NALF1: variants seen among roughly 807,000 people sequenced by gnomAD.
NALF1 encodes family with sequence similarity 155 member A.
In NALF1, 3 loss-of-function variants were observed where a neutral mutation model predicts 48.4. The observed-to-expected ratio is 0.06, with a 90% CI of 0.03 to 0.16. The LOEUF is 0.16. Ranked by LOEUF, NALF1 falls within the 10% of genes least tolerant of loss-of-function variation. The probability of loss-of-function intolerance (pLI) is 1.00; values close to 1 mark genes in which losing one functional copy is unlikely to be tolerated. For missense variants in NALF1, 526 were observed against 571.5 expected (o/e 0.92, Z 0.81); for synonymous variants, 262 against 245.7 (o/e 1.07, Z -0.62).
At chr13:107,536,046 C>T (rs888151108) in intron 1 of NALF1, among the ~76,000 whole-genome samples, 1 of 152,118 alleles carries the variant, frequency 6.6e-6, no homozygotes, top group Non-Finnish European at 1.5e-5. Flanking sequence ...GAAACTGGAT[C>T]CCTACCTTAC....
At chr13:107,594,203 T>A (rs1594148427) in intron 1 of NALF1, among the ~76,000 whole-genome samples, 1 of 152,186 alleles carries the variant, frequency 6.6e-6, no homozygotes, top group Middle Eastern at 3.4e-3. Flanking sequence ...GTCTGCGTTG[T>A]CATCCGTAGC....
chr13:107,466,670 T>C (rs1268208803), intron 1 of NALF1: 1 of 152,224 alleles, frequency 6.6e-6, no homozygotes, highest in African/African-American at 2.4e-5. Flanking sequence ...AGTTGTTTCA[T>C]CCATTCAACT....
intron 1 of NALF1, among the ~76,000 whole-genome samples, chr13:107,537,478 A>G (rs1876862288): frequency 1.3e-5 from 2 of 152,160 alleles, no homozygotes. Context: ...ATAGTAACAA[A>G]GTAATTTGTT....
chr13:107,181,400 C>A (rs1879057257), intron 2 of NALF1, among the ~76,000 whole-genome samples: 1 of 151,384 alleles, frequency 6.6e-6, no homozygotes, highest in Non-Finnish European at 1.5e-5. Flanking sequence ...ATAGCTTTAG[C>A]CAATTCTCTT....
chr13:107,858,284 G>A (rs1594317897), intron 1 of NALF1, among the ~76,000 whole-genome samples: 1 of 152,180 alleles, frequency 6.6e-6, no homozygotes, highest in Non-Finnish European at 1.5e-5. Context: ...GTATAAGACA[G>A]TTACATGTGG....
At chr13:107,439,944 C>T (rs1884529077) in intron 1 of NALF1, among the ~76,000 whole-genome samples, 1 of 151,900 alleles carries the variant, frequency 6.6e-6, no homozygotes, top group African/African-American at 2.4e-5. Context: ...GGTCATTGAC[C>T]ATTTAAGAGA....
chr13:107,829,826 A>G (rs1455711623), intron 1 of NALF1, among the ~76,000 whole-genome samples: 3 of 152,156 alleles, frequency 2.0e-5, no homozygotes, highest in Non-Finnish European at 4.4e-5. Context: ...TTGTATTGTA[A>G]TAGGAGGGTA....
chr13:107,305,511 C>T (rs554771237), intron 1 of NALF1, among the ~76,000 whole-genome samples: 4 of 152,160 alleles, frequency 2.6e-5, no homozygotes, highest in Non-Finnish European at 5.9e-5. Context: ...TTATCTTCTG[C>T]TTATGCTTTA....
rs1183009839 is a variant in NALF1, at chr13:107,867,252, C to T, written c.-656G>A. On this transcript the variant is annotated 5_prime_UTR_variant, in exon 1 of 3. Coordinates refer to ENST00000375915, the MANE Select transcript of NALF1 (RefSeq NM_001080396.3). This position sits in a 1 kb window ranked among gnomAD's most constrained non-coding sequence, Gnocchi z 4.4. ...CTCCCAGAGTCCGGAGCCTGGGCTG[C>T]CTCCGGCGGGGCGCTCCCTCCCCCC... is the stretch of plus-strand genomic sequence containing the variant. 1.3e-5 allele frequency among the ~76,000 whole-genome samples: 2 copies of T among 150,426 alleles called. No individual in the cohort carries two copies. Among genetic ancestry groups the T allele is most frequent in the East Asian group, 2.0e-4 (1 of 5,058 alleles).
At chr13:107,434,878 G>A (rs935718872) in intron 1 of NALF1, among the ~76,000 whole-genome samples, 1 of 152,138 alleles carries the variant, frequency 6.6e-6, no homozygotes, top group Non-Finnish European at 1.5e-5. Context: ...ATCTTCACAT[G>A]AGAGTGGGAT....
At chr13:107,818,273 T>C (rs888916139) in intron 1 of NALF1, among the ~76,000 whole-genome samples, 1 of 152,170 alleles carries the variant, frequency 6.6e-6, no homozygotes, top group Non-Finnish European at 1.5e-5. Context: ...CTGCTCTTCC[T>C]TTTTAAGGGA....
intron 1 of NALF1, among the ~76,000 whole-genome samples, chr13:107,289,133 C>T (rs914327592): frequency 2.6e-4 from 39 of 152,230 alleles, no homozygotes; most frequent in Non-Finnish European, 4.4e-4. Flanking sequence ...ATTTCCTTTG[C>T]TTTAGAGAGT....
At chr13:107,828,600 TATCTATAC>T (rs750019751) in intron 1 of NALF1, among the ~76,000 whole-genome samples, 4,419 of 103,366 alleles carry the variant, frequency 0.043, 92 homozygotes, top group Non-Finnish European at 0.06. Context: ...TCTATATCTA[TATCTATAC>T]ACACACACAC....
At chr13:107,236,718 TATCTATCTATCTATCTATC>T (rs1880355245) in intron 1 of NALF1, among the ~76,000 whole-genome samples, 2 of 149,592 alleles carry the variant, frequency 1.3e-5, no homozygotes, top group African/African-American at 5.0e-5. Context: ...TCTATCTATC[TATCTATCTATCTATCTATC>T]ATCTACAGTC....
At chr13:107,440,384 C>T (rs1478826818) in intron 1 of NALF1, among the ~76,000 whole-genome samples, 1 of 152,150 alleles carries the variant, frequency 6.6e-6, no homozygotes, top group African/African-American at 2.4e-5. Context: ...GTTAAAGTTT[C>T]GCATAGGTGG....
intron 1 of NALF1, among the ~76,000 whole-genome samples, chr13:107,842,914 G>A (rs1377796019): frequency 3.3e-5 from 5 of 152,082 alleles, no homozygotes; most frequent in Middle Eastern, 3.4e-3. Context: ...ACTAGGATAC[G>A]GCCCCCTTCC....
At chr13:107,859,839 C>T (rs1349020039) in intron 1 of NALF1, among the ~76,000 whole-genome samples, 4 of 143,832 alleles carry the variant, frequency 2.8e-5, no homozygotes, top group African/African-American at 7.8e-5. Flanking sequence ...CGCTTGAACT[C>T]AGGAGGAGGA....
chr13:107,343,823 C>A (rs1882725041), intron 1 of NALF1, among the ~76,000 whole-genome samples: 1 of 151,808 alleles, frequency 6.6e-6, no homozygotes, highest in Non-Finnish European at 1.5e-5. Context: ...ACGAAGTAAA[C>A]AGGTAGCTAA....
rs981793200 is a variant in NALF1 at position 107,815,599 on chromosome 13, CAG to C, written c.915+50081_915+50082del. On this transcript the variant is annotated intron_variant, in intron 1 of 2. Transcript: ENST00000375915. ...ACAGTTCTGCAGTTCCTGAAATAGT[CAG>C]AGTTTCCATTTGACTCAGCAATTCC... 2.3e-4 allele frequency among the ~76,000 whole-genome samples: 35 copies of C among 152,190 alleles called. No homozygotes were observed. The South Asian group carries it at 2.5e-3, about 11-fold the overall frequency.
Sources: gnomAD v4.1 joint callset for allele counts (sites outside exome capture counted in the v4.1 genomes callset) on GRCh38, gnomAD v4.1.1 for gene constraint, Gnocchi (gnomAD v3.1) non-coding constraint, MANE v1.5 for transcripts, NCBI Gene and HGNC (gene_info 2026-07-23, HGNC 2026-07-21) for gene names.